EIF2B1: variants seen among roughly 807,000 people sequenced by gnomAD.
EIF2B1 encodes eukaryotic translation initiation factor 2B subunit alpha.
In EIF2B1, 30 loss-of-function variants were observed where a neutral mutation model predicts 36.8. That is an observed-to-expected ratio of 0.81 (90% CI 0.61 to 1.10). The LOEUF is 1.10. Among genes scored for constraint, EIF2B1 ranks in the 50% least tolerant of loss-of-function variants. The pLI, the probability that EIF2B1 is intolerant of heterozygous loss-of-function variation, is 0.00. For missense variants in EIF2B1, 271 were observed against 374.8 expected (o/e 0.72, Z 2.29); for synonymous variants, 139 against 142.2 (o/e 0.98, Z 0.16).
At chr12:123,623,461 G>A (rs1181371965) in intron 7 of EIF2B1, among the ~76,000 whole-genome samples, 4 of 152,122 alleles carry the variant, frequency 2.6e-5, no homozygotes, top group Admixed American at 2.6e-4. Context: ...CTTTGCTAGT[G>A]GGAATGTAAA....
Position 123,630,615 on chromosome 12 carries a change from G to A in EIF2B1, c.116-82C>T, listed in dbSNP as rs974423340. 5 of 1,558,922 alleles carry A rather than the reference G, an allele frequency of 3.2e-6. No individual in the cohort carries two copies. The African/African-American group carries it at 6.7e-5, about 21-fold the overall frequency. ...TATCTTCAATTCATTCATTCATTCA[G>A]TGAATATTTACTAGGTACATACTAT... On this transcript the variant is annotated intron_variant, in intron 2 of 8. Coordinates refer to ENST00000424014, the MANE Select transcript of EIF2B1 (RefSeq NM_001414.4). This position sits in a 1 kb window ranked among gnomAD's most constrained non-coding sequence, Gnocchi z 4.6.
In EIF2B1 at chr12:123,620,579, ATTATATAT is replaced by A. The variant is rs1955054634; in HGVS notation, c.*1169_*1176del. 1.4e-5 allele frequency: 1 copy of A among 70,942 alleles called. No individual in the cohort carries two copies. Among genetic ancestry groups the A allele is most frequent in the African/African-American group, 5.1e-5 (1 of 19,616 alleles). 4.4% of individuals were successfully genotyped at this position (70,942 alleles called of 1,614,324 possible). ...GGGTCACATATAGACATATGTACAT[ATTATATAT>A]ATATATATATATATATATATATATA... On this transcript the variant is annotated 3_prime_UTR_variant, in exon 9 of 9. Transcript: ENST00000424014.
rs141755541 is a variant in EIF2B1, at chr12:123,630,589, G to C, written c.116-56C>G. ...CACATTAGGGCCACAGCCCCGACCT[G>C]TATCTTCAATTCATTCATTCATTCA... On this transcript the variant is annotated intron_variant, in intron 2 of 8. Transcript: ENST00000424014. This position sits in a 1 kb window ranked among gnomAD's most constrained non-coding sequence, Gnocchi z 4.6. 948 of 1,602,590 alleles carry C rather than the reference G, an allele frequency of 5.9e-4. 14 individuals are homozygous for C. The East Asian group carries it at 0.017, about 28-fold the overall frequency.
rs149472233 is a variant in EIF2B1 at position 123,621,577 on chromosome 12, T to G, written c.*179A>C. On this transcript the variant is annotated 3_prime_UTR_variant, in exon 9 of 9. Coordinates refer to ENST00000424014, the MANE Select transcript of EIF2B1 (RefSeq NM_001414.4). Reference sequence around the variant, plus strand: ...GTTGGGATTTAGAATAGCTGACACATTTTTAGATGGGACTGAAATGAGTAA... The same window carrying G: ...GTTGGGATTTAGAATAGCTGACACAGTTTTAGATGGGACTGAAATGAGTAA... 6.4e-4 allele frequency: 474 copies of G among 745,030 alleles called. 4 individuals carry two copies. The East Asian group carries it at 0.011, about 18-fold the overall frequency. 46.2% of individuals were successfully genotyped at this position (745,030 alleles called of 1,614,324 possible).
Position 123,630,070 on chromosome 12 carries a change from G to T in EIF2B1, c.369+99C>A. 1 of 998,948 alleles carries T rather than the reference G, an allele frequency of 1.0e-6. No individual in the cohort carries two copies. The highest frequency in any genetic ancestry group is 1.6e-6 in the Non-Finnish European group (1 of 627,672). 61.9% of individuals were successfully genotyped at this position (998,948 alleles called of 1,614,324 possible). A position where few individuals can be genotyped will look rare whatever the true frequency, so the allele number is the denominator to read the frequency against. ...CAGACAGGTTAAGTTACTTGTTCAA[G>T]TCTCCACAGCAAGTGAGTGGCAGAG... is the stretch of plus-strand genomic sequence containing the variant. On this transcript the variant is annotated intron_variant, in intron 4 of 8. Transcript: ENST00000424014. The surrounding 1 kb of genome is among the most constrained non-coding windows in gnomAD (Gnocchi z 4.6).
At position 123,620,606 on chromosome 12, in the gene EIF2B1, ATATATATATATAT is replaced by A. The variant is rs1566211142; in HGVS notation, c.*1137_*1149del. On this transcript the variant is annotated 3_prime_UTR_variant, in exon 9 of 9. Coordinates refer to ENST00000424014, the MANE Select transcript of EIF2B1 (RefSeq NM_001414.4). Reference sequence around the variant, plus strand: ...TATATATATATATATATATATATATATATATATATATATATATATATAAGCTCTTTTTTCTGAG... The same window carrying A: ...TATATATATATATATATATATATATAATATATATAAGCTCTTTTTTCTGAG... The A allele has an allele frequency of 2.9e-4, 22 of 75,910 alleles. 1 individual carries two copies. Among genetic ancestry groups the A allele is most frequent in the African/African-American group, 8.6e-4 (21 of 24,494 alleles). 4.7% of individuals were successfully genotyped at this position (75,910 alleles called of 1,614,324 possible).
chr12:123,628,351 CTTTTTTTTTTTT>C (rs958119194), intron 4 of EIF2B1, among the ~76,000 whole-genome samples: 2 of 74,956 alleles, frequency 2.7e-5, no homozygotes, highest in African/African-American at 1.1e-4. Flanking sequence ...CCCATAACCT[CTTTTTTTTTTTT>C]TTTTTTTTTT....
chr12:123,626,777 T>TA (rs1248744139), intron 5 of EIF2B1: 1 of 657,716 alleles, frequency 1.5e-6, no homozygotes, highest in Non-Finnish European at 2.7e-6. Context: ...AGATATAAGT[T>TA]ACCTATTCCT....
At position 123,627,527 on chromosome 12, in the gene EIF2B1, G is replaced by T. The variant is rs201622731; in HGVS notation, c.370-371C>A. On this transcript the variant is annotated intron_variant, in intron 4 of 8. Transcript: ENST00000424014. ...TAGGTAGCAGAAGTCACTGCAGCAG[G>T]TTGGGTGGGGCCAGCAGCAAAGCGA... is the stretch of plus-strand genomic sequence containing the variant. Among the ~76,000 whole-genome samples, 5 of 152,328 alleles carry T rather than the reference G, an allele frequency of 3.3e-5. No individual in the cohort carries two copies. In the East Asian group the frequency reaches 9.7e-4, roughly 29 times the overall value.
At position 123,630,350 on chromosome 12, in the gene EIF2B1, C is replaced by T; in HGVS notation, c.252+47G>A. ...CAGTTAATGCTGAGAATGTCTGTCACTAAACAGAGAAGTGGAAAGGTAACC... is the reference window on the plus strand; with the variant it reads ...CAGTTAATGCTGAGAATGTCTGTCATTAAACAGAGAAGTGGAAAGGTAACC... On this transcript the variant is annotated intron_variant, in intron 3 of 8. Transcript: ENST00000424014. The surrounding 1 kb of genome is among the most constrained non-coding windows in gnomAD (Gnocchi z 4.6). 1 of 1,614,136 alleles carries T rather than the reference C, an allele frequency of 6.2e-7. No individual in the cohort carries two copies. Among genetic ancestry groups the T allele is most frequent in the Non-Finnish European group, 8.5e-7 (1 of 1,180,016 alleles).
rs68169681 is a variant in EIF2B1, at chr12:123,620,580, T to TTATATATATATATATA, written c.*1160_*1175dup. 3.1e-5 allele frequency: 2 copies of TTATATATATATATATA among 65,356 alleles called. No homozygotes were observed. The highest frequency in any genetic ancestry group is 1.9e-4 in the Admixed American group (1 of 5,140). 4.0% of individuals were successfully genotyped at this position (65,356 alleles called of 1,614,324 possible). A position where few individuals can be genotyped will look rare whatever the true frequency, so the allele number is the denominator to read the frequency against. On this transcript the variant is annotated 3_prime_UTR_variant, in exon 9 of 9. Transcript: ENST00000424014. ...GGTCACATATAGACATATGTACATA[T>TTATATATATATATATA]TATATATATATATATATATATATAT...
intron 4 of EIF2B1, 27 bp from the exon 5 acceptor site, chr12:123,627,183 G>A: frequency 6.3e-7 from 1 of 1,590,276 alleles, no homozygotes; most frequent in South Asian, 1.1e-5. Flanking sequence ...CTTTGTCAAA[G>A]GGGCAGGCTC....
At chr12:123,626,379 C>T (rs773537858) in intron 6 of EIF2B1, 46 bp downstream of exon 6, 17 of 1,611,910 alleles carry the variant, frequency 1.1e-5, no homozygotes, top group Non-Finnish European at 1.4e-5. Context: ...TGTAAGCCAG[C>T]ATGGGGTGGG....
chr12:123,632,270 T>TAAAAAAAAAAAAAAA, intron 2 of EIF2B1, 75 bp downstream of exon 2: 1 of 762,924 alleles, frequency 1.3e-6, no homozygotes. Flanking sequence ...TCCGTCTCTT[T>TAAAAAAAAAAAAAAA]AAAAAAAAAA....
intron 4 of EIF2B1, 148 bp from the exon 5 acceptor site, chr12:123,627,304 C>A (rs1318458496): frequency 9.5e-6 from 7 of 734,250 alleles, no homozygotes; most frequent in Non-Finnish European, 1.2e-5. Flanking sequence ...CCTGATGGTA[C>A]AGTTTCCATC....
intron 5 of EIF2B1, 123 bp from the exon 6 acceptor site, chr12:123,626,616 C>T (rs1955150840): frequency 7.2e-6 from 8 of 1,116,866 alleles, no homozygotes; most frequent in Non-Finnish European, 1.1e-5. Context: ...GGTTAAGGGG[C>T]AGATCCCAAT....
chr12:123,631,462 T>C (rs923957232), intron 2 of EIF2B1, among the ~76,000 whole-genome samples: 2 of 151,686 alleles, frequency 1.3e-5, no homozygotes, highest in Non-Finnish European at 2.9e-5. Flanking sequence ...CACCTGAGGC[T>C]AGGAGTTTAA....
At position 123,621,626 on chromosome 12, in the gene EIF2B1, T is replaced by C. The variant is rs1016782547; in HGVS notation, c.*130A>G. 1.7e-6 allele frequency: 2 copies of C among 1,181,680 alleles called. No individual in the cohort carries two copies. Among genetic ancestry groups the C allele is most frequent in the African/African-American group, 3.0e-5 (2 of 66,254 alleles). 73.2% of individuals were successfully genotyped at this position (1,181,680 alleles called of 1,614,324 possible). On this transcript the variant is annotated 3_prime_UTR_variant, in exon 9 of 9. Transcript: ENST00000424014. ...AAGAAAGGTTCTCCAAGATGTATGA[T>C]TTTAAGTCCTTACTCCATAAATCTT...
rs1390276597 is a variant in EIF2B1, at chr12:123,621,475, G to C, written c.*281C>G. The C allele has an allele frequency of 2.3e-6, 1 of 436,550 alleles. No individual in the cohort carries two copies. The highest frequency in any genetic ancestry group is 4.3e-6 in the Non-Finnish European group (1 of 235,208). The allele number at this position is 436,550 out of a possible 1,614,324, so 27.0% of individuals were successfully genotyped here. On this transcript the variant is annotated 3_prime_UTR_variant, in exon 9 of 9. Transcript: ENST00000424014. ...GTGGACTTGGGCTCATCTTTCATCA[G>C]TTAAGTAGCCAATTATCTAACTTGT... is the stretch of plus-strand genomic sequence containing the variant.
Sources: gnomAD v4.1 joint callset for allele counts (sites outside exome capture counted in the v4.1 genomes callset) on GRCh38, gnomAD v4.1.1 for gene constraint, Gnocchi (gnomAD v3.1) non-coding constraint, MANE v1.5 for transcripts, NCBI Gene and HGNC (gene_info 2026-07-23, HGNC 2026-07-21) for gene names.